ROBO1: variants seen among roughly 807,000 people sequenced by gnomAD.
The protein encoded by ROBO1 is roundabout homolog 1.
Under a neutral mutation model 195.9 loss-of-function variants are expected in ROBO1, and 149 were observed. That is an observed-to-expected ratio of 0.76 (90% CI 0.67 to 0.87). ROBO1 has a LOEUF of 0.87. Among genes scored for constraint, ROBO1 ranks in the 40% least tolerant of loss-of-function variants. ROBO1 has a pLI of 0.00. For missense variants in ROBO1, 1,933 were observed against 2,068.3 expected (o/e 0.93, Z 1.27); for synonymous variants, 816 against 733.2 (o/e 1.11, Z -1.82).
intron 4 of ROBO1, among the ~76,000 whole-genome samples, chr3:78,773,288 A>C (rs191434094): frequency 6.6e-5 from 10 of 152,248 alleles, no homozygotes; most frequent in Admixed American, 2.6e-4. Flanking sequence ...AGTATCAATT[A>C]GTTTAATTTT....
chr3:79,605,881 GAAC>G (rs1560031674), intron 1 of ROBO1, among the ~76,000 whole-genome samples: 2 of 151,664 alleles, frequency 1.3e-5, no homozygotes, highest in East Asian at 2.0e-4. Context: ...CACTCTTCAA[GAAC>G]AACAAGGGCT....
chr3:79,492,962 G>C (rs966479654), intron 2 of ROBO1, among the ~76,000 whole-genome samples: 1 of 152,116 alleles, frequency 6.6e-6, no homozygotes, highest in Non-Finnish European at 1.5e-5. Context: ...AGTCAACACT[G>C]TATTACTTTT....
chr3:79,368,224 C>T (rs557980307), intron 2 of ROBO1, among the ~76,000 whole-genome samples: 3 of 152,252 alleles, frequency 2.0e-5, no homozygotes, highest in Non-Finnish European at 2.9e-5. Context: ...TGAGCCACTG[C>T]GTATGACCTC....
At chr3:78,904,981 G>A (rs1244547609) in intron 4 of ROBO1, among the ~76,000 whole-genome samples, 1 of 151,610 alleles carries the variant, frequency 6.6e-6, no homozygotes, top group Non-Finnish European at 1.5e-5. Flanking sequence ...ATTCTTTTCT[G>A]TTGGTGGGTA....
chr3:79,671,680 TA>T (rs1946635776), intron 1 of ROBO1, among the ~76,000 whole-genome samples: 1 of 151,862 alleles, frequency 6.6e-6, no homozygotes, highest in African/African-American at 2.4e-5. Flanking sequence ...AAGTTGGCCA[TA>T]ATGTCAAAAC....
chr3:79,595,094 C>G (rs530018910), intron 1 of ROBO1, among the ~76,000 whole-genome samples: 2 of 151,906 alleles, frequency 1.3e-5, no homozygotes, highest in East Asian at 3.9e-4. Context: ...ATGTTCTATA[C>G]ATATATATAA....
At chr3:78,917,032 A>C (rs1005161915) in intron 4 of ROBO1, among the ~76,000 whole-genome samples, 1 of 151,848 alleles carries the variant, frequency 6.6e-6, no homozygotes. Flanking sequence ...AAGCTAAATT[A>C]TTAAATTCTT....
chr3:79,379,304 GT>G (rs1274288203), intron 2 of ROBO1, among the ~76,000 whole-genome samples: 2 of 152,162 alleles, frequency 1.3e-5, no homozygotes, highest in African/African-American at 4.8e-5. Context: ...GCAGAGTGTA[GT>G]TCCTTGCTTC....
chr3:78,659,105 G>A (rs540465265), intron 17 of ROBO1, among the ~76,000 whole-genome samples: 1 of 152,106 alleles, frequency 6.6e-6, no homozygotes, highest in Non-Finnish European at 1.5e-5. Context: ...CTAACACATA[G>A]TATCCTGTCA....
chr3:79,506,839 T>C (rs1940425134), intron 2 of ROBO1, among the ~76,000 whole-genome samples: 1 of 152,190 alleles, frequency 6.6e-6, no homozygotes, highest in Non-Finnish European at 1.5e-5. Flanking sequence ...ACATATTAGG[T>C]ATGTGAAAGG....
At chr3:79,402,165 GA>G (rs1425241143) in intron 2 of ROBO1, among the ~76,000 whole-genome samples, 5 of 151,666 alleles carry the variant, frequency 3.3e-5, no homozygotes, top group African/African-American at 1.2e-4. Context: ...GTGAGAATTA[GA>G]AAAAATAAAC....
intron 2 of ROBO1, among the ~76,000 whole-genome samples, chr3:79,278,816 A>G (rs1415995796): frequency 6.6e-6 from 1 of 152,204 alleles, no homozygotes; most frequent in African/African-American, 2.4e-5. Flanking sequence ...AAGCACAGGC[A>G]ACTGAAGCAA....
At chr3:78,883,013 A>G (rs903771364) in intron 4 of ROBO1, among the ~76,000 whole-genome samples, 1 of 151,848 alleles carries the variant, frequency 6.6e-6, no homozygotes, top group African/African-American at 2.4e-5. Flanking sequence ...GGGTTTCACC[A>G]TGTTGGCCAG....
chr3:79,552,008 AAAAAAAC>A (rs1314370393), intron 2 of ROBO1, among the ~76,000 whole-genome samples: 18 of 145,594 alleles, frequency 1.2e-4, no homozygotes, highest in Admixed American at 2.1e-4. Context: ...AAAAAAAAAA[AAAAAAAC>A]AGAGCTCGAG....
chr3:79,550,195 G>GAAAGAAAGAAA, intron 2 of ROBO1, among the ~76,000 whole-genome samples: 13 of 100,836 alleles, frequency 1.3e-4, no homozygotes, highest in African/African-American at 5.6e-4. Context: ...AAGAAAGAAA[G>GAAAGAAAGAAA]GAAAAGAAAA....
At chr3:79,558,809 G>C (rs974021173) in intron 2 of ROBO1, among the ~76,000 whole-genome samples, 1 of 152,062 alleles carries the variant, frequency 6.6e-6, no homozygotes, top group African/African-American at 2.4e-5. Context: ...AAATCACATA[G>C]TAATTTTTTG....
At chr3:79,072,506 G>A (rs2079106309) in intron 3 of ROBO1, among the ~76,000 whole-genome samples, 1 of 151,842 alleles carries the variant, frequency 6.6e-6, no homozygotes, top group South Asian at 2.1e-4. Flanking sequence ...TGTATGAATG[G>A]TTTATGTCCA....
chr3:79,018,518 GGTCCCCAAATGTAT>G, intron 3 of ROBO1: 2 of 1,608,258 alleles, frequency 1.2e-6, no homozygotes, highest in Non-Finnish European at 1.7e-6. Context: ...GTGGAAATAG[GGTCCCCAAATGTAT>G]GAAGCCACAC....
At chr3:78,996,349 A>AT (rs1291784575) in intron 3 of ROBO1, among the ~76,000 whole-genome samples, 5 of 150,498 alleles carry the variant, frequency 3.3e-5, no homozygotes, top group Non-Finnish European at 7.4e-5. Flanking sequence ...ACAAAAAAAA[A>AT]AAACTCCCAC....
Sources: allele counts gnomAD v4.1 joint callset (sites outside exome capture counted in the v4.1 genomes callset), GRCh38; gene constraint gnomAD v4.1.1; transcripts MANE v1.5; gene names NCBI Gene and HGNC (gene_info 2026-07-23, HGNC 2026-07-21).